The following FAM174B variants were observed in gnomAD, a reference collection of about 807,000 sequenced individuals.
FAM174B encodes the protein family with sequence similarity 174 member B, also known as membrane protein FAM174B.
In FAM174B, 12 loss-of-function variants were observed where a neutral mutation model predicts 10.9. The ratio of observed to expected loss-of-function variants is 1.10; its 90% CI spans 0.71 to 1.79. The LOEUF is 1.79. Among genes scored for constraint, FAM174B ranks in the 40% most tolerant of loss-of-function variants. FAM174B has a pLI of 0.00. For missense variants in FAM174B, 266 were observed against 233.3 expected (o/e 1.14, Z -0.91); for synonymous variants, 132 against 115.8 (o/e 1.14, Z -0.90).
At chr15:92,620,297 G>A (rs562808355) in intron 2 of FAM174B, among the ~76,000 whole-genome samples, 1 of 152,278 alleles carries the variant, frequency 6.6e-6, no homozygotes, top group Non-Finnish European at 1.5e-5. Context: ...AGGAGATCGC[G>A]ACCATCCTGG....
chr15:92,631,350 ATATATTATATAT>A lies in FAM174B; in HGVS notation c.345-1017_345-1006del, dbSNP rs1163281494. 3.3e-4 allele frequency among the ~76,000 whole-genome samples: 6 copies of A among 18,276 alleles called. 2 individuals are homozygous for A. The highest frequency in any genetic ancestry group is 3.9e-4 in the Non-Finnish European group (5 of 12,794). The allele number at this position is 18,276 out of a possible 152,430, so 12.0% of individuals were successfully genotyped here. A position where few individuals can be genotyped will look rare whatever the true frequency, so the allele number is the denominator to read the frequency against. On this transcript the variant is annotated intron_variant, in intron 1 of 2. Coordinates refer to ENST00000327355, the MANE Select transcript of FAM174B (RefSeq NM_207446.3). ...TATAATATATTATATATTATATATAATATATTATATATTATATTATATATAATATATTATATA... is the reference window on the plus strand; with the variant it reads ...TATAATATATTATATATTATATATAATATATTATATATAATATATTATATA...
intron 2 of FAM174B, among the ~76,000 whole-genome samples, chr15:92,624,627 C>G (rs75722350): frequency 6.6e-6 from 1 of 152,232 alleles, no homozygotes; most frequent in Non-Finnish European, 1.5e-5. Flanking sequence ...CGCAGCATTA[C>G]AGTGGAAATC....
chr15:92,633,345 T>C (rs997907970), intron 1 of FAM174B, among the ~76,000 whole-genome samples: 6 of 152,186 alleles, frequency 3.9e-5, no homozygotes, highest in African/African-American at 1.4e-4. Context: ...TCTTAACTGA[T>C]ATGATTTACC....
intron 1 of FAM174B, among the ~76,000 whole-genome samples, chr15:92,651,406 T>C (rs1383232064): frequency 6.6e-6 from 1 of 152,156 alleles, no homozygotes; most frequent in Non-Finnish European, 1.5e-5. Context: ...TGCTTCTGGA[T>C]TGTAAAAGAA....
At position 92,617,687 on chromosome 15, in the gene FAM174B, C is replaced by A. The variant is rs928544140; in HGVS notation, c.*1769G>T. 4.4e-6 allele frequency: 3 copies of A among 681,548 alleles called. No homozygotes were observed. In the Admixed American group the frequency reaches 6.5e-5, roughly 15 times the overall value. 42.2% of individuals were successfully genotyped at this position (681,548 alleles called of 1,614,324 possible). A position where few individuals can be genotyped will look rare whatever the true frequency, so the allele number is the denominator to read the frequency against. ...GTTCAAAGGTTGAGGGGGCGAACAG[C>A]TGCGAGGTGGCCAGGCTCCCGTGAG... On this transcript the variant is annotated 3_prime_UTR_variant, in exon 3 of 3. Transcript: ENST00000327355.
chr15:92,619,034 T>C lies in FAM174B; in HGVS notation c.*422A>G. 1.7e-6 allele frequency: 1 copy of C among 591,330 alleles called. No individual in the cohort carries two copies. Among genetic ancestry groups the C allele is most frequent in the Non-Finnish European group, 3.0e-6 (1 of 333,814 alleles). 36.6% of individuals were successfully genotyped at this position (591,330 alleles called of 1,614,324 possible). A position where few individuals can be genotyped will look rare whatever the true frequency, so the allele number is the denominator to read the frequency against. ...TGTGTAGATCCAGTAGAGAAGAATG[T>C]CGGAAATTCTAAATACACAGTTGGA... On this transcript the variant is annotated 3_prime_UTR_variant, in exon 3 of 3. Transcript: ENST00000327355.
At chr15:92,650,364 C>A (rs1414799419) in intron 1 of FAM174B, among the ~76,000 whole-genome samples, 1 of 152,196 alleles carries the variant, frequency 6.6e-6, no homozygotes, top group African/African-American at 2.4e-5. Context: ...TAGAATTCAA[C>A]CTCCCGATCC....
chr15:92,619,669 C>T, intron 2 of FAM174B: 24 of 605,264 alleles, frequency 4.0e-5, no homozygotes, highest in Admixed American at 1.5e-4. Flanking sequence ...CTAAGGATCC[C>T]TCCCCCAGCT....
At position 92,619,018 on chromosome 15, in the gene FAM174B, C is replaced by CTCGGTGGTCCCCGTAT; in HGVS notation, c.*437_*438insATACGGGGACCACCGA. The CTCGGTGGTCCCCGTAT allele has an allele frequency of 1.7e-6, 1 of 595,256 alleles. No individual in the cohort carries two copies. The allele number at this position is 595,256 out of a possible 1,614,324, so 36.9% of individuals were successfully genotyped here. On this transcript the variant is annotated 3_prime_UTR_variant, in exon 3 of 3. Transcript: ENST00000327355. ...ATCAGATGGGGTCCAATGTGTAGATCCAGTAGAGAAGAATGTCGGAAATTC... is the reference window on the plus strand; with the variant it reads ...ATCAGATGGGGTCCAATGTGTAGATCTCGGTGGTCCCCGTATCAGTAGAGAAGAATGTCGGAAATTC...
At chr15:92,636,070 T>C (rs1339899457) in intron 1 of FAM174B, among the ~76,000 whole-genome samples, 1 of 152,082 alleles carries the variant, frequency 6.6e-6, no homozygotes, top group African/African-American at 2.4e-5. Flanking sequence ...AATGGGAAAA[T>C]AGAGTGCATT....
At chr15:92,635,615 C>G (rs914074049) in intron 1 of FAM174B, among the ~76,000 whole-genome samples, 13 of 145,982 alleles carry the variant, frequency 8.9e-5, no homozygotes, top group African/African-American at 3.3e-4. Context: ...GAGTCTCGCT[C>G]TGTAGCCCAG....
chr15:92,639,910 C>T (rs2050879344), intron 1 of FAM174B, among the ~76,000 whole-genome samples: 2 of 152,096 alleles, frequency 1.3e-5, no homozygotes, highest in South Asian at 4.1e-4. Flanking sequence ...TACCCAGTCT[C>T]AGGTATTTCT....
At chr15:92,625,145 ACTCC>A (rs968651244) in intron 2 of FAM174B, among the ~76,000 whole-genome samples, 5 of 147,290 alleles carry the variant, frequency 3.4e-5, no homozygotes, top group African/African-American at 1.0e-4. Context: ...TTTCTATAGA[ACTCC>A]CTCCCTCCCT....
At chr15:92,645,758 C>A (rs1342165428) in intron 1 of FAM174B, among the ~76,000 whole-genome samples, 1 of 152,118 alleles carries the variant, frequency 6.6e-6, no homozygotes, top group Non-Finnish European at 1.5e-5. Flanking sequence ...TGACCACCAC[C>A]TGGAAACTCT....
At chr15:92,623,095 G>A (rs2050730206) in intron 2 of FAM174B, among the ~76,000 whole-genome samples, 2 of 151,776 alleles carry the variant, frequency 1.3e-5, no homozygotes, top group African/African-American at 2.4e-5. Flanking sequence ...GGCAGAGGGT[G>A]CAATGAGCCA....
chr15:92,654,624 G>C (rs986354141), intron 1 of FAM174B, among the ~76,000 whole-genome samples: 5 of 152,196 alleles, frequency 3.3e-5, no homozygotes, highest in Middle Eastern at 3.4e-3. Context: ...CAGGAGCCTA[G>C]GAAAGCCGTC....
chr15:92,620,588 G>A (rs913656952), intron 2 of FAM174B, among the ~76,000 whole-genome samples: 12 of 152,294 alleles, frequency 7.9e-5, no homozygotes, highest in Admixed American at 1.3e-4. Context: ...GCCACGGCGG[G>A]TGGATCACTT....
At chr15:92,645,843 G>A (rs572989341) in intron 1 of FAM174B, among the ~76,000 whole-genome samples, 52 of 152,192 alleles carry the variant, frequency 3.4e-4, no homozygotes, top group African/African-American at 1.2e-3. Flanking sequence ...CCAGGTAGGG[G>A]AGGGTGGGAA....
intron 1 of FAM174B, 99 bp downstream of exon 1, chr15:92,655,217 G>A (rs1393897530): frequency 2.8e-6 from 4 of 1,419,544 alleles, no homozygotes; most frequent in Non-Finnish European, 3.7e-6. Context: ...GGCGCACCAG[G>A]GCACCTGTGC....
Sources: allele counts gnomAD v4.1 joint callset (sites outside exome capture counted in the v4.1 genomes callset), GRCh38; gene constraint gnomAD v4.1.1; transcripts MANE v1.5; gene names NCBI Gene and HGNC (gene_info 2026-07-23, HGNC 2026-07-21).